Variants in RAB11FIP5 observed in about 807,000 individuals in gnomAD.
The protein encoded by RAB11FIP5 is RAB11 family interacting protein 5.
Under a neutral mutation model 85.1 loss-of-function variants are expected in RAB11FIP5, and 48 were observed. The ratio of observed to expected loss-of-function variants is 0.56; its 90% CI spans 0.45 to 0.72. The LOEUF (loss-of-function observed/expected upper bound fraction) is 0.72. Ranked by LOEUF, RAB11FIP5 falls within the 30% of genes least tolerant of loss-of-function variation. The probability of loss-of-function intolerance (pLI) is 0.00; values close to 1 mark genes in which losing one functional copy is unlikely to be tolerated. For missense variants in RAB11FIP5, 1,491 were observed against 1,687.0 expected, an observed-to-expected ratio of 0.88 and a Z score of 2.04; for synonymous variants, 729 against 727.3, an observed-to-expected ratio of 1.00 and a Z score of -0.04.
rs1409781768 is a variant in RAB11FIP5 at position 73,094,581 on chromosome 2, T to TG, written c.432-5267dup. Reference sequence around the variant, plus strand: ...CTATATTTCTCAGTGGGTTTGGGGGTGGGGCCCCACAGGTGAGTGAATTCA... The same window carrying TG: ...CTATATTTCTCAGTGGGTTTGGGGGTGGGGGCCCCACAGGTGAGTGAATTCA... On this transcript the variant is annotated intron_variant, in intron 1 of 5. Coordinates refer to ENST00000486777, the MANE Select transcript of RAB11FIP5 (RefSeq NM_001371272.1). Among the ~76,000 whole-genome samples the TG allele has an allele frequency of 7.9e-5, 12 of 151,558 alleles. No homozygotes were observed. In the South Asian group the frequency reaches 2.5e-3, roughly 32 times the overall value.
chr2:73,079,609 A>C, intron 4 of RAB11FIP5, 42 bp downstream of exon 4: 1 of 1,232,004 alleles, frequency 8.1e-7, no homozygotes. Context: ...CCCCCTGTCC[A>C]CCCCCTTCCT....
chr2:73,075,514 A>AG lies in RAB11FIP5; in HGVS notation c.*6dup, dbSNP rs1266849789. 6.2e-7 allele frequency: 1 copy of AG among 1,613,664 alleles called. No individual in the cohort carries two copies. The highest frequency in any genetic ancestry group is 8.5e-7 in the Non-Finnish European group (1 of 1,179,630). On this transcript the variant is annotated 3_prime_UTR_variant, in exon 6 of 6. Transcript: ENST00000486777. The surrounding 1 kb of genome is among the most constrained non-coding windows in gnomAD (Gnocchi z 4.6). ...TGCCAACCCTCCTGGGGGTAGGGTG[A>AG]GGAAGGCTATTTGGGGGGGCCCGGG...
chr2:73,090,485 T>C (rs146674542), intron 1 of RAB11FIP5, among the ~76,000 whole-genome samples: 1 of 152,270 alleles, frequency 6.6e-6, no homozygotes, highest in African/African-American at 2.4e-5. Flanking sequence ...TTGCCAAAAC[T>C]TGGAAGCTGC....
Position 73,086,328 on chromosome 2 carries a change from C to G in RAB11FIP5, c.1568+1722G>C, listed in dbSNP as rs1346616230. Among the ~76,000 whole-genome samples the G allele has an allele frequency of 6.6e-6, 1 of 152,208 alleles. No homozygotes were observed. Among genetic ancestry groups the G allele is most frequent in the African/African-American group, 2.4e-5 (1 of 41,452 alleles). ...ACAGCAGGACAGAAACCTCAGCTTC[C>G]TTATGGCCATCAGTGACCCAAATCC... On this transcript the variant is annotated intron_variant, in intron 3 of 5. Transcript: ENST00000486777. This position sits in a 1 kb window ranked among gnomAD's most constrained non-coding sequence, Gnocchi z 4.4.
intron 1 of RAB11FIP5, among the ~76,000 whole-genome samples, chr2:73,105,730 C>T (rs1345092554): frequency 1.3e-5 from 2 of 152,018 alleles, no homozygotes; most frequent in African/African-American, 4.8e-5. Context: ...CCCCGAGATC[C>T]ATGTCAAGGA....
intron 1 of RAB11FIP5, among the ~76,000 whole-genome samples, chr2:73,104,607 A>G (rs1313893030): frequency 6.6e-6 from 1 of 152,154 alleles, no homozygotes; most frequent in Admixed American, 6.5e-5. Flanking sequence ...AATAGGAAGT[A>G]AAGAAAGTCC....
intron 1 of RAB11FIP5, among the ~76,000 whole-genome samples, chr2:73,111,702 G>A (rs917176978): frequency 1.1e-4 from 17 of 152,170 alleles, no homozygotes; most frequent in African/African-American, 3.9e-4. Context: ...TGACTCAAGT[G>A]TTTCCTTCCT....
intron 3 of RAB11FIP5, among the ~76,000 whole-genome samples, chr2:73,087,181 T>C (rs7559340): frequency 0.34 from 52,019 of 152,126 alleles, 11,038 homozygotes; most frequent in African/African-American, 0.59. Context: ...AGATGCTGCC[T>C]ATGAGGGCTG....
At chr2:73,103,680 G>A (rs1345978836) in intron 1 of RAB11FIP5, among the ~76,000 whole-genome samples, 1 of 152,128 alleles carries the variant, frequency 6.6e-6, no homozygotes, top group Non-Finnish European at 1.5e-5. Context: ...TACTGGGAAG[G>A]CACCCTTAAA....
In RAB11FIP5 at chr2:73,075,106, G is replaced by C. The variant is rs1683825938; in HGVS notation, c.*415C>G. 4 of 390,794 alleles carry C rather than the reference G, an allele frequency of 1.0e-5. No individual in the cohort carries two copies. Among genetic ancestry groups the C allele is most frequent in the Non-Finnish European group, 2.0e-5 (4 of 198,946 alleles). 24.2% of individuals were successfully genotyped at this position (390,794 alleles called of 1,614,324 possible). ...CTCCAGGGACTGGAGGGAAATGAAG[G>C]GGATGGGGCTTTGGCTGTGGGAAGA... On this transcript the variant is annotated 3_prime_UTR_variant, in exon 6 of 6. Coordinates refer to ENST00000486777, the MANE Select transcript of RAB11FIP5 (RefSeq NM_001371272.1). The surrounding 1 kb of genome is among the most constrained non-coding windows in gnomAD (Gnocchi z 4.6).
chr2:73,092,375 G>A (rs1684233870), intron 1 of RAB11FIP5, among the ~76,000 whole-genome samples: 1 of 152,204 alleles, frequency 6.6e-6, no homozygotes, highest in Non-Finnish European at 1.5e-5. Flanking sequence ...AGGGGACCGG[G>A]GCCCTGTGGT....
Position 73,086,169 on chromosome 2 carries a change from C to G in RAB11FIP5, c.1568+1881G>C, listed in dbSNP as rs371486841. Among the ~76,000 whole-genome samples the G allele has an allele frequency of 2.0e-5, 3 of 152,214 alleles. No homozygotes were observed. The highest frequency in any genetic ancestry group is 2.0e-4 in the Admixed American group (3 of 15,290). On this transcript the variant is annotated intron_variant, in intron 3 of 5. Transcript: ENST00000486777. The surrounding 1 kb of genome is among the most constrained non-coding windows in gnomAD (Gnocchi z 4.4). ...AGGCCAGGCCATCTTACCCAAAGCACAGCCCCTCCCACCCCATCTGCATGC... is the reference window on the plus strand; with the variant it reads ...AGGCCAGGCCATCTTACCCAAAGCAGAGCCCCTCCCACCCCATCTGCATGC...
chr2:73,091,821 G>C (rs1043082892), intron 1 of RAB11FIP5, among the ~76,000 whole-genome samples: 3 of 152,152 alleles, frequency 2.0e-5, no homozygotes, highest in Admixed American at 2.0e-4. Context: ...CAGCCTGAGC[G>C]GCCTGAGCCT....
At chr2:73,082,764 G>A (rs922343789) in intron 3 of RAB11FIP5, among the ~76,000 whole-genome samples, 3 of 152,290 alleles carry the variant, frequency 2.0e-5, no homozygotes, top group Non-Finnish European at 4.4e-5. Flanking sequence ...GTCCTTTCTG[G>A]GGGAAACGCC....
At chr2:73,090,274 T>G (rs1015625979) in intron 1 of RAB11FIP5, among the ~76,000 whole-genome samples, 2 of 152,226 alleles carry the variant, frequency 1.3e-5, no homozygotes, top group Middle Eastern at 3.4e-3. Flanking sequence ...CCAACACACA[T>G]GGCCACCACA....
Position 73,081,575 on chromosome 2 carries a change from G to A in RAB11FIP5, c.1657C>T (p.Pro553Ser), listed in dbSNP as rs1386161384. Residue 553 changes from proline (P) to serine (S), a missense_variant, in exon 4 of 6, where the codon CCT becomes TCT. Transcript: ENST00000486777. This position sits in a 1 kb window ranked among gnomAD's most constrained non-coding sequence, Gnocchi z 4.2. ...AGCATGGGAGCAGCAGTGGGAGCAGGAGTGGGAGGGGCCGGAGCCCAGGGG... is the reference window on the plus strand; with the variant it reads ...AGCATGGGAGCAGCAGTGGGAGCAGAAGTGGGAGGGGCCGGAGCCCAGGGG... ...CSPWAPAPPT[P>S]APTAAPMLST... 3 of 1,204,790 alleles carry A rather than the reference G, an allele frequency of 2.5e-6. No homozygotes were observed. The African/African-American group carries it at 4.7e-5, about 19-fold the overall frequency. 74.6% of individuals were successfully genotyped at this position (1,204,790 alleles called of 1,614,324 possible). A position where few individuals can be genotyped will look rare whatever the true frequency, so the allele number is the denominator to read the frequency against.
intron 1 of RAB11FIP5, among the ~76,000 whole-genome samples, chr2:73,097,877 T>C (rs1360609775): frequency 1.3e-5 from 2 of 152,216 alleles, no homozygotes; most frequent in African/African-American, 4.8e-5. Context: ...GAGGAGTCAC[T>C]GTTGACCCAA....
In RAB11FIP5 at chr2:73,076,086, C is replaced by G. The variant is rs1683855433; in HGVS notation, c.3678G>C (p.Gly1226=). ...ATGTGACTGTTTTGAGCTTCTCCAG[C>G]CCACTGCTCAGGGCTATGCTCAGAC... ...RSSLSIALSS[G]LEKLKTVTSG... is the part of the protein sequence containing the mutation. The change falls in exon 5 of 6, where the codon GGG becomes GGC. Residue 1226 remains glycine (G), a synonymous_variant. Coordinates refer to ENST00000486777, the MANE Select transcript of RAB11FIP5 (RefSeq NM_001371272.1). 2 of 1,614,066 alleles carry G rather than the reference C, an allele frequency of 1.2e-6. No individual in the cohort carries two copies. The highest frequency in any genetic ancestry group is 1.3e-5 in the African/African-American group (1 of 74,942).
At chr2:73,076,313 C>T in intron 4 of RAB11FIP5, 131 bp from the exon 5 acceptor site, 1 of 902,932 alleles carries the variant, frequency 1.1e-6, no homozygotes, top group Non-Finnish European at 1.7e-6. Context: ...GCTGCCCCTA[C>T]AGAGTCAAGG....
Sources: allele counts gnomAD v4.1 joint callset (sites outside exome capture counted in the v4.1 genomes callset), GRCh38; gene constraint gnomAD v4.1.1; non-coding constraint Gnocchi (gnomAD v3.1); transcripts MANE v1.5; gene names NCBI Gene and HGNC (gene_info 2026-07-23, HGNC 2026-07-21).